The following AGTPBP1 variants were observed in gnomAD, a reference collection of about 807,000 sequenced individuals.
The protein encoded by AGTPBP1 is cytosolic carboxypeptidase 1.
A neutral mutation model predicts 143.9 loss-of-function variants in AGTPBP1; 70 were observed. The observed-to-expected ratio is 0.49, with a 90% CI of 0.40 to 0.59. The LOEUF (loss-of-function observed/expected upper bound fraction) is 0.59, where lower values mean the gene tolerates loss of function less well. Among genes scored for constraint, AGTPBP1 ranks in the 20% least tolerant of loss-of-function variants. AGTPBP1 has a pLI of 0.00. For missense variants in AGTPBP1, 1,229 were observed against 1,464.5 expected, an observed-to-expected ratio of 0.84 and a Z score of 2.62; for synonymous variants, 463 against 500.2, an observed-to-expected ratio of 0.93 and a Z score of 0.99.
chr9:85,556,473 C>A (rs996921338), intron 25 of AGTPBP1, among the ~76,000 whole-genome samples: 1 of 152,062 alleles, frequency 6.6e-6, no homozygotes, highest in African/African-American at 2.4e-5. Flanking sequence ...CAGTAACTTA[C>A]AAGCTCAGTT....
At chr9:85,629,300 C>G (rs991595472) in intron 14 of AGTPBP1, among the ~76,000 whole-genome samples, 9 of 152,176 alleles carry the variant, frequency 5.9e-5, no homozygotes, top group African/African-American at 2.2e-4. Context: ...AAGCTGGACT[C>G]TAATCTGTAG....
chr9:85,647,447 C>A (rs1403027484), intron 11 of AGTPBP1, among the ~76,000 whole-genome samples: 1 of 151,862 alleles, frequency 6.6e-6, no homozygotes, highest in Non-Finnish European at 1.5e-5. Context: ...ATTATAATAC[C>A]AAAGATAAAC....
At chr9:85,661,945 G>A (rs1159429183) in intron 8 of AGTPBP1, among the ~76,000 whole-genome samples, 3 of 152,030 alleles carry the variant, frequency 2.0e-5, no homozygotes, top group South Asian at 2.1e-4. Context: ...CAAGTTCTTC[G>A]TGGTTATAAA....
chr9:85,673,550 G>A (rs569520572), intron 6 of AGTPBP1, among the ~76,000 whole-genome samples: 6 of 152,220 alleles, frequency 3.9e-5, no homozygotes. Flanking sequence ...AAGAAAAGAT[G>A]TTCTTAATTT....
chr9:85,760,973 A>T, the AGTPBP1 span, among the ~76,000 whole-genome samples: 1 of 152,296 alleles, frequency 6.6e-6, no homozygotes, highest in South Asian at 2.1e-4. Context: ...ATACACCAAT[A>T]ACAGACAAAC....
At chr9:85,603,101 C>T (rs1325511826) in intron 17 of AGTPBP1, among the ~76,000 whole-genome samples, 3 of 152,176 alleles carry the variant, frequency 2.0e-5, no homozygotes, top group African/African-American at 7.2e-5. Context: ...AACTGAAATT[C>T]TGGACAAGTC....
At chr9:85,570,161 A>G (rs1270166937) in intron 25 of AGTPBP1, among the ~76,000 whole-genome samples, 1 of 152,208 alleles carries the variant, frequency 6.6e-6, no homozygotes, top group Non-Finnish European at 1.5e-5. Flanking sequence ...GAGTGTCTAT[A>G]GTGTGGCTAT....
rs759090610 is a variant in AGTPBP1, at chr9:85,632,980, G to T, written c.1697C>A (p.Thr566Asn). 6.2e-7 allele frequency: 1 copy of T among 1,614,118 alleles called. No individual in the cohort carries two copies. Among genetic ancestry groups the T allele is most frequent in the Non-Finnish European group, 8.5e-7 (1 of 1,180,008 alleles). ...CATGTGTGGACATGCTTTAGCACAG[G>T]TAAGGACAGTAAGAGGAAGACTGCA... is the stretch of plus-strand genomic sequence containing the variant. ...KDCSLPLTVL[T>N]CAKACPHMAT... Residue 566 changes from threonine to asparagine, a missense_variant, in exon 14 of 26, where the codon ACC becomes AAC. Thr to Asn is a moderately conservative substitution (Grantham distance 65). Coordinates refer to ENST00000357081, the MANE Select transcript of AGTPBP1 (RefSeq NM_001330701.2).
At chr9:85,622,739 CT>C (rs1831019070) in intron 14 of AGTPBP1, among the ~76,000 whole-genome samples, 1 of 151,958 alleles carries the variant, frequency 6.6e-6, no homozygotes, top group South Asian at 2.1e-4. Flanking sequence ...AAGAAACAAG[CT>C]TTTTTAAAAG....
intron 17 of AGTPBP1, among the ~76,000 whole-genome samples, chr9:85,603,569 G>A (rs922513910): frequency 1.3e-5 from 2 of 152,192 alleles, no homozygotes; most frequent in East Asian, 1.9e-4. Flanking sequence ...CTGGCTTCAG[G>A]GGGTGGCCAC....
At chr9:85,746,647 G>T (rs1040448515), upstream of AGTPBP1, among the ~76,000 whole-genome samples, 8 of 151,752 alleles carry the variant, frequency 5.3e-5, no homozygotes, top group African/African-American at 1.7e-4. Flanking sequence ...AGAAAGAGTG[G>T]GGGGAGAGAG....
intron 13 of AGTPBP1, among the ~76,000 whole-genome samples, chr9:85,637,444 T>C (rs536890470): frequency 1.3e-5 from 2 of 152,164 alleles, no homozygotes; most frequent in East Asian, 1.9e-4. Context: ...CACAAAGAAA[T>C]TGTGGTGTAT....
At chr9:85,767,514 G>GT in the AGTPBP1 span, among the ~76,000 whole-genome samples, 38 of 152,044 alleles carry the variant, frequency 2.5e-4, no homozygotes, top group Non-Finnish European at 4.9e-4. Flanking sequence ...TGCTTGGCTA[G>GT]TTTTTTGTAT....
At chr9:85,742,151 A>AGGGAGCGCGCGCGTGGGGG (rs1824376931), upstream of AGTPBP1, 1 of 533,158 alleles carries the variant, frequency 1.9e-6, no homozygotes, top group Admixed American at 6.0e-5. Flanking sequence ...GCCTGACGGG[A>AGGGAGCGCGCGCGTGGGGG]GGGAGCGCGC....
At chr9:85,754,166 T>C in the AGTPBP1 span, among the ~76,000 whole-genome samples, 6 of 152,222 alleles carry the variant, frequency 3.9e-5, no homozygotes, top group African/African-American at 1.4e-4. Flanking sequence ...CACTGGACTG[T>C]ATTTATTCCC....
chr9:85,547,370 C>T (rs1587598168), intron 25 of AGTPBP1, 84 bp from the exon 26 acceptor site: 2 of 1,170,686 alleles, frequency 1.7e-6, no homozygotes, highest in Non-Finnish European at 2.3e-6. Flanking sequence ...ACTGGACTAA[C>T]TTTGATTCCA....
chr9:85,666,891 T>C (rs1374248220), intron 8 of AGTPBP1, among the ~76,000 whole-genome samples: 1 of 152,150 alleles, frequency 6.6e-6, no homozygotes, highest in Non-Finnish European at 1.5e-5. Flanking sequence ...CACACACTAC[T>C]ACATTGCTTA....
At chr9:85,698,752 G>A (rs1242274549) in intron 2 of AGTPBP1, among the ~76,000 whole-genome samples, 1 of 140,498 alleles carries the variant, frequency 7.1e-6, no homozygotes, top group Non-Finnish European at 1.5e-5. Flanking sequence ...GAGTGCAGTG[G>A]CGCGATCTTG....
intron 1 of AGTPBP1, among the ~76,000 whole-genome samples, chr9:85,713,290 G>T (rs1837498181): frequency 6.6e-6 from 1 of 152,174 alleles, no homozygotes; most frequent in Non-Finnish European, 1.5e-5. Flanking sequence ...CAGCACTTTG[G>T]GGGGCCAAGG....
Sources: gnomAD v4.1 joint callset for allele counts (sites outside exome capture counted in the v4.1 genomes callset) on GRCh38, gnomAD v4.1.1 for gene constraint, MANE v1.5 for transcripts, NCBI Gene and HGNC (gene_info 2026-07-23, HGNC 2026-07-21) for gene names.